JAKMIP3: variants seen among roughly 807,000 people sequenced by gnomAD.
The protein encoded by JAKMIP3 is Janus kinase and microtubule interacting protein 3.
In JAKMIP3, 58 loss-of-function variants were observed where a neutral mutation model predicts 118.5. The observed-to-expected ratio is 0.49, with a 90% CI of 0.40 to 0.61. The LOEUF (loss-of-function observed/expected upper bound fraction) is 0.61, where lower values mean the gene tolerates loss of function less well. JAKMIP3 is among the 20% of genes least tolerant of loss of function. The pLI is 0.00. For missense variants in JAKMIP3, 950 were observed against 1,109.0 expected (o/e 0.86, Z 2.04); for synonymous variants, 486 against 451.2 (o/e 1.08, Z -0.98).
At chr10:132,180,544 T>TGTGC (rs1269903177) in intron 23 of JAKMIP3, among the ~76,000 whole-genome samples, 327 of 25,978 alleles carry the variant, frequency 0.013, 66 homozygotes, top group Non-Finnish European at 0.015. Context: ...TGTGTGTGTG[T>TGTGC]GCGTGCGTGC....
At chr10:132,095,962 G>T (rs2043802043) in intron 1 of JAKMIP3, among the ~76,000 whole-genome samples, 1 of 152,136 alleles carries the variant, frequency 6.6e-6, no homozygotes, top group African/African-American at 2.4e-5. Flanking sequence ...GAATCCGCCG[G>T]CATACTGTCC....
intron 13 of JAKMIP3, among the ~76,000 whole-genome samples, chr10:132,146,912 G>A (rs950376099): frequency 2.6e-5 from 4 of 152,228 alleles, no homozygotes; most frequent in Non-Finnish European, 5.9e-5. Context: ...GTGCACTTAA[G>A]GGCACCCACT....
chr10:132,064,092 T>C (rs1342951392), upstream of JAKMIP3, among the ~76,000 whole-genome samples: 3 of 152,174 alleles, frequency 2.0e-5, no homozygotes, highest in Non-Finnish European at 2.9e-5. The surrounding 1 kb of genome is among the most constrained non-coding windows in gnomAD (Gnocchi z 4.4). Context: ...AATGGCCCCA[T>C]TGTATTTGGA....
intron 23 of JAKMIP3, among the ~76,000 whole-genome samples, chr10:132,172,970 T>C (rs547417159): frequency 7.2e-5 from 8 of 110,426 alleles, no homozygotes; most frequent in Middle Eastern, 5.1e-3. Context: ...TCCTTCCCTC[T>C]CTCTCCTTCC....
rs1383583052 is a variant in JAKMIP3 at position 132,156,214 on chromosome 10, C to T, written c.2220+2224C>T. ...GCTCCAGGCCCCCGCCTCCCTCCCT[C>T]GGCTCAGTCTCTGTCCCCCGAAGCT... On this transcript the variant is annotated intron_variant, in intron 19 of 23. Coordinates refer to ENST00000684848, the MANE Select transcript of JAKMIP3 (RefSeq NM_001323087.2). Among the ~76,000 whole-genome samples the T allele has an allele frequency of 2.0e-5, 3 of 152,192 alleles. No individual in the cohort carries two copies. The South Asian group carries it at 6.2e-4, about 32-fold the overall frequency.
intron 1 of JAKMIP3, among the ~76,000 whole-genome samples, chr10:132,097,984 C>T: frequency 1.2e-5 from 1 of 81,644 alleles, no homozygotes; most frequent in African/African-American, 3.8e-5. Flanking sequence ...TCTCCCCTTC[C>T]CCTTCCCCTT....
At chr10:132,119,164 C>T (rs1227545217) in intron 3 of JAKMIP3, among the ~76,000 whole-genome samples, 2 of 151,424 alleles carry the variant, frequency 1.3e-5, no homozygotes, top group East Asian at 3.9e-4. Flanking sequence ...CACTCTCCAT[C>T]CTCGCCAGAT....
At chr10:132,140,371 G>T in intron 9 of JAKMIP3, 80 bp from the exon 10 acceptor site, 1 of 1,584,982 alleles carries the variant, frequency 6.3e-7, no homozygotes, top group Non-Finnish European at 8.6e-7. Context: ...CCCCACCGTT[G>T]GGCAGCGGGA....
intron 3 of JAKMIP3, 31 bp from the exon 4 acceptor site, chr10:132,133,281 C>T: frequency 6.6e-7 from 1 of 1,522,674 alleles, no homozygotes; most frequent in Non-Finnish European, 8.9e-7. Flanking sequence ...TGTCCTGCCG[C>T]CTGTGTGATT....
At chr10:132,145,299 G>A (rs1451699280) in intron 12 of JAKMIP3, 109 bp downstream of exon 12, 2 of 1,028,296 alleles carry the variant, frequency 1.9e-6, no homozygotes, top group Non-Finnish European at 2.9e-6. Context: ...CTACAGCCTT[G>A]ACCTCCTGGG....
chr10:132,144,056 G>C (rs917871231), intron 11 of JAKMIP3: 1 of 150,380 alleles, frequency 6.6e-6, no homozygotes, highest in African/African-American at 2.5e-5. Flanking sequence ...CCCCCACCCC[G>C]GCTGATGGAT....
At chr10:132,174,800 C>T (rs1009788733) in intron 23 of JAKMIP3, among the ~76,000 whole-genome samples, 2 of 152,166 alleles carry the variant, frequency 1.3e-5, no homozygotes, top group Non-Finnish European at 2.9e-5. Flanking sequence ...TTGGTCCCTT[C>T]CAATAGAGGG....
rs1317596673 is a variant in JAKMIP3, at chr10:132,049,047, A to G, written c.-138+12309A>G. Among the ~76,000 whole-genome samples the G allele has an allele frequency of 2.0e-5, 3 of 151,802 alleles. No homozygotes were observed. Among genetic ancestry groups the G allele is most frequent in the African/African-American group, 7.3e-5 (3 of 41,262 alleles). On this transcript the variant is annotated intron_variant, in intron 1 of 23. Coordinates refer to the JAKMIP3 transcript ENST00000657785. This position sits in a 1 kb window ranked among gnomAD's most constrained non-coding sequence, Gnocchi z 4.3. ...TTTCTTTACTTCTCTGCATGTCCTGAAAGCCTGCTGCTGGTCCCGGCCGAC... is the reference window on the plus strand; with the variant it reads ...TTTCTTTACTTCTCTGCATGTCCTGGAAGCCTGCTGCTGGTCCCGGCCGAC...
rs2051941215 is a variant in JAKMIP3 at position 132,137,091 on chromosome 10, G to A, written c.1189G>A (p.Val397Ile). 6.2e-7 allele frequency: 1 copy of A among 1,613,976 alleles called. No homozygotes were observed. ...DLDQSQDEREVDFLKLQIVEQ... is the reference protein window; with the variant it reads ...DLDQSQDEREIDFLKLQIVEQ... ...TGATCAAAGTCAGGATGAGAGAGAA[G>A]TCGATTTCTTGAAGCTTCAGATTGT... is the stretch of plus-strand genomic sequence containing the variant. The change falls in exon 7 of 24, where the codon GTC (valine) becomes ATC (isoleucine). Residue 397 changes from valine (V) to isoleucine (I), a missense_variant. Val to Ile is a conservative substitution (Grantham distance 29). Transcript: ENST00000684848.
chr10:132,170,716 C>T (rs544966465), intron 23 of JAKMIP3, among the ~76,000 whole-genome samples: 93 of 152,320 alleles, frequency 6.1e-4, no homozygotes, highest in African/African-American at 2.1e-3. Flanking sequence ...CGGCCGCCAA[C>T]GTGCAGACTG....
intron 4 of JAKMIP3, among the ~76,000 whole-genome samples, 191 bp from the exon 5 acceptor site, chr10:132,134,850 C>T (rs1238714261): frequency 6.6e-6 from 1 of 152,356 alleles, no homozygotes; most frequent in African/African-American, 2.4e-5. Flanking sequence ...TGTTGCCTCA[C>T]GCGGTTGCGG....
intron 1 of JAKMIP3, among the ~76,000 whole-genome samples, chr10:132,069,953 A>G (rs2039559108): frequency 6.6e-6 from 1 of 152,164 alleles, no homozygotes; most frequent in East Asian, 1.9e-4. Flanking sequence ...TGTGACCCAC[A>G]TGGGGAGTTC....
At chr10:132,165,280 A>C (rs1012154493) in intron 21 of JAKMIP3, among the ~76,000 whole-genome samples, 26 of 152,152 alleles carry the variant, frequency 1.7e-4, no homozygotes, top group African/African-American at 6.3e-4. Flanking sequence ...TGCACATAAC[A>C]GACTTGGTGC....
chr10:132,124,790 C>A (rs960176374), intron 3 of JAKMIP3, among the ~76,000 whole-genome samples: 1 of 152,228 alleles, frequency 6.6e-6, no homozygotes, highest in African/African-American at 2.4e-5. Flanking sequence ...TGTGGTAGGT[C>A]GGGCAGCTGC....
Sources: gnomAD v4.1 joint callset for allele counts (sites outside exome capture counted in the v4.1 genomes callset) on GRCh38, gnomAD v4.1.1 for gene constraint, Gnocchi (gnomAD v3.1) non-coding constraint, MANE v1.5 for transcripts, NCBI Gene and HGNC (gene_info 2026-07-23, HGNC 2026-07-21) for gene names.